SPATA13: variants seen among roughly 807,000 people sequenced by gnomAD.
The protein encoded by SPATA13 is spermatogenesis-associated protein 13.
SPATA13 carries 50 observed loss-of-function variants against 104.0 expected under a neutral mutation model. The ratio of observed to expected loss-of-function variants is 0.48; its 90% CI spans 0.38 to 0.61. SPATA13 has a LOEUF of 0.61. SPATA13 is among the 20% of genes least tolerant of loss of function. SPATA13 has a pLI of 0.00. For synonymous variants in SPATA13, 606 were observed against 667.5 expected, an observed-to-expected ratio of 0.91 and a Z score of 1.42; for missense variants, 1,524 against 1,690.6, an observed-to-expected ratio of 0.90 and a Z score of 1.73.
At chr13:24,295,939 A>G (rs1593513425) in intron 10 of SPATA13, among the ~76,000 whole-genome samples, 1 of 152,240 alleles carries the variant, frequency 6.6e-6, no homozygotes, top group Admixed American at 6.5e-5. Flanking sequence ...CCAAGCAGGC[A>G]CCCTGGCTTC....
intron 3 of SPATA13, among the ~76,000 whole-genome samples, chr13:24,019,330 C>T (rs188424301): frequency 2.6e-5 from 4 of 152,038 alleles, no homozygotes; most frequent in African/African-American, 9.6e-5. Context: ...CCTCGTGATC[C>T]GCCCGCCTCG....
intron 2 of SPATA13, among the ~76,000 whole-genome samples, chr13:23,999,712 T>G (rs1875868668): frequency 6.6e-6 from 1 of 152,240 alleles, no homozygotes; most frequent in Non-Finnish European, 1.5e-5. Flanking sequence ...AAGTCTGGCC[T>G]GGCATCTAAT....
At chr13:24,140,056 G>C (rs1219286427) in intron 3 of SPATA13, among the ~76,000 whole-genome samples, 1 of 146,492 alleles carries the variant, frequency 6.8e-6, no homozygotes, top group African/African-American at 2.6e-5. Context: ...GTGACAGAGT[G>C]AGACTCCGTC....
At chr13:24,030,664 T>C (rs909513712) in intron 3 of SPATA13, among the ~76,000 whole-genome samples, 1 of 152,246 alleles carries the variant, frequency 6.6e-6, no homozygotes, top group African/African-American at 2.4e-5. Context: ...ATTTATCTTA[T>C]GACTTCATTC....
Position 24,251,845 on chromosome 13 carries a change from A to G in SPATA13, c.2147A>G (p.Gln716Arg). ...TTGGACCGTGTGGGACGCCGGCGGC[A>G]GATGAGAGCATCCAACGGTGAGTCT... ...IGLDRVGRRR[Q>R]MRASNVSSDG... Residue 716 changes from glutamine (Q) to arginine (R), a missense_variant, in exon 4 of 13, where the codon CAG (glutamine) becomes CGG (arginine). Gln to Arg is a conservative substitution (Grantham distance 43, BLOSUM62 1). Coordinates refer to ENST00000382108, the MANE Select transcript of SPATA13 (RefSeq NM_001166271.3). 6.2e-7 allele frequency: 1 copy of G among 1,613,930 alleles called. No individual in the cohort carries two copies. Among genetic ancestry groups the G allele is most frequent in the Non-Finnish European group, 8.5e-7 (1 of 1,179,880 alleles).
At chr13:24,292,896 T>C (rs1876488784) in intron 9 of SPATA13, among the ~76,000 whole-genome samples, 1 of 145,460 alleles carries the variant, frequency 6.9e-6, no homozygotes, top group Non-Finnish European at 1.5e-5. Flanking sequence ...ATTGGGAGGC[T>C]GAGGCACGAA....
intron 1 of SPATA13, among the ~76,000 whole-genome samples, chr13:24,195,331 AAT>A (rs1232963395): frequency 6.6e-6 from 1 of 152,094 alleles, no homozygotes; most frequent in Non-Finnish European, 1.5e-5. Flanking sequence ...GTGGATATCA[AAT>A]TTTGTTTATC....
At chr13:24,173,362 TTGTG>T (rs60850610) in intron 1 of SPATA13, among the ~76,000 whole-genome samples, 6,684 of 146,736 alleles carry the variant, frequency 0.046, 237 homozygotes, top group African/African-American at 0.096. Flanking sequence ...TAGTTCTTAG[TTGTG>T]TGTGTGTGTG....
intron 2 of SPATA13, among the ~76,000 whole-genome samples, chr13:24,227,847 G>A (rs929673753): frequency 2.6e-5 from 4 of 152,100 alleles, no homozygotes. Flanking sequence ...TAGGATTATA[G>A]GTGTGAGCCA....
intron 3 of SPATA13, among the ~76,000 whole-genome samples, chr13:24,150,668 T>A (rs1566122560): frequency 6.6e-6 from 1 of 152,068 alleles, no homozygotes. Flanking sequence ...GGGTCCAGAA[T>A]CCACAGGGCA....
chr13:24,070,197 T>C (rs1361726022), intron 3 of SPATA13, among the ~76,000 whole-genome samples: 1 of 152,236 alleles, frequency 6.6e-6, no homozygotes, highest in Non-Finnish European at 1.5e-5. Flanking sequence ...AGACTTCATC[T>C]TGCAGGTGAC....
chr13:24,284,228 C>G lies in SPATA13; in HGVS notation c.2258C>G (p.Pro753Arg). ...TATGAAGACCTCTGCCAGGCCAGCCCTCGGTACCTGCAGCCCGGCGGGGAG... is the reference window on the plus strand; with the variant it reads ...TATGAAGACCTCTGCCAGGCCAGCCGTCGGTACCTGCAGCCCGGCGGGGAG... ...FSYEDLCQAS[P>R]RYLQPGGEQL... Residue 753 changes from proline (P) to arginine (R), a missense_variant, in exon 5 of 13, where the codon CCT becomes CGT. Physicochemically the swap from Pro to Arg is moderately radical, Grantham distance 103. Coordinates refer to ENST00000382108, the MANE Select transcript of SPATA13 (RefSeq NM_001166271.3). 1 of 1,613,790 alleles carries G rather than the reference C, an allele frequency of 6.2e-7. No homozygotes were observed.
chr13:24,232,494 T>C (rs555859032), intron 2 of SPATA13, among the ~76,000 whole-genome samples: 1 of 152,224 alleles, frequency 6.6e-6, no homozygotes, highest in East Asian at 1.9e-4. Flanking sequence ...ATCAAATTAA[T>C]AGGAATTACA....
At chr13:24,283,313 T>G (rs1194985775) in intron 4 of SPATA13, among the ~76,000 whole-genome samples, 1 of 152,228 alleles carries the variant, frequency 6.6e-6, no homozygotes, top group South Asian at 2.1e-4. Flanking sequence ...TGTATAGCTT[T>G]CTGTCCCCAG....
rs1025750575 is a variant in SPATA13 at position 24,057,642 on chromosome 13, A to G, written c.-112+39941A>G. The stretch of plus-strand genomic sequence containing the variant: ...TCTCTCCACCCTACCCCTATCCCCA[A>G]CCTCCAACCGTCATAAGAAATGTTA... On this transcript the variant is annotated intron_variant, in intron 3 of 14. Transcript: ENST00000424834. 5.3e-5 allele frequency among the ~76,000 whole-genome samples: 8 copies of G among 151,890 alleles called. 1 individual carries two copies. The South Asian group carries it at 6.2e-4, about 12-fold the overall frequency.
chr13:24,284,407 G>A, intron 5 of SPATA13, 136 bp downstream of exon 5: 2 of 1,016,696 alleles, frequency 2.0e-6, no homozygotes, highest in Non-Finnish European at 2.8e-6. Context: ...AAACAACACT[G>A]TGATTCACTT....
chr13:24,108,181 C>T (rs1880516334), intron 3 of SPATA13, among the ~76,000 whole-genome samples: 1 of 152,218 alleles, frequency 6.6e-6, no homozygotes, highest in Non-Finnish European at 1.5e-5. Context: ...TATAGGGTTA[C>T]TAATCCATGA....
intron 1 of SPATA13, among the ~76,000 whole-genome samples, chr13:24,172,683 C>G (rs1187803790): frequency 6.6e-6 from 1 of 151,478 alleles, no homozygotes; most frequent in South Asian, 2.1e-4. Context: ...GGATCTGCTT[C>G]TGGCTTATTT....
chr13:24,176,579 A>AT (rs1868447461), intron 1 of SPATA13, among the ~76,000 whole-genome samples: 1 of 151,940 alleles, frequency 6.6e-6, no homozygotes, highest in African/African-American at 2.4e-5. Flanking sequence ...CCAAGGACAG[A>AT]TTAAGCACGC....
Sources: allele counts gnomAD v4.1 joint callset (sites outside exome capture counted in the v4.1 genomes callset), GRCh38; gene constraint gnomAD v4.1.1; transcripts MANE v1.5; gene names NCBI Gene and HGNC (gene_info 2026-07-23, HGNC 2026-07-21).